The following PDXK variants were observed in gnomAD, a reference collection of about 807,000 sequenced individuals.
The protein encoded by PDXK is pyridoxal kinase.
Under a neutral mutation model 43.2 loss-of-function variants are expected in PDXK, and 15 were observed. That is an observed-to-expected ratio of 0.35 (90% CI 0.23 to 0.53). The LOEUF is 0.53. PDXK is among the 20% of genes least tolerant of loss of function. The pLI is 0.92. For missense variants in PDXK, 343 were observed against 417.0 expected (o/e 0.82, Z 1.54); for synonymous variants, 172 against 165.4 (o/e 1.04, Z -0.31).
In PDXK at chr21:43,732,593, G is replaced by T. The variant is rs1248876661; in HGVS notation, c.88-1476G>T. ...AGAAGCAGTGGAGCAGAATATTTTGGCAGGATTTTCAGGATTTGTGTCATC... is the reference window on the plus strand; with the variant it reads ...AGAAGCAGTGGAGCAGAATATTTTGTCAGGATTTTCAGGATTTGTGTCATC... On this transcript the variant is annotated intron_variant, in intron 1 of 10. Coordinates refer to ENST00000291565, the MANE Select transcript of PDXK (RefSeq NM_003681.5). This position sits in a 1 kb window ranked among gnomAD's most constrained non-coding sequence, Gnocchi z 4.1. 1.2e-6 allele frequency: 1 copy of T among 829,856 alleles called. No individual in the cohort carries two copies. Among genetic ancestry groups the T allele is most frequent in the East Asian group, 2.4e-5 (1 of 41,474 alleles). 51.4% of individuals were successfully genotyped at this position (829,856 alleles called of 1,614,324 possible). A position where few individuals can be genotyped will look rare whatever the true frequency, so the allele number is the denominator to read the frequency against.
chr21:43,726,270 CTTTTTTTT>C (rs1182376121), intron 1 of PDXK, among the ~76,000 whole-genome samples: 12 of 116,826 alleles, frequency 1.0e-4, no homozygotes, highest in Admixed American at 3.5e-4. Flanking sequence ...TTTTCTTTTT[CTTTTTTTT>C]TTTTTTTTTT....
Position 43,732,967 on chromosome 21 carries a change from T to C in PDXK, c.88-1102T>C, listed in dbSNP as rs557070639. ...TTTGCCATGTTGCCCAGGCTGGTCT[T>C]GAACTCCTGGCCTCAAACTGTACTC... On this transcript the variant is annotated intron_variant, in intron 1 of 10. Coordinates refer to ENST00000291565, the MANE Select transcript of PDXK (RefSeq NM_003681.5). This position sits in a 1 kb window ranked among gnomAD's most constrained non-coding sequence, Gnocchi z 4.1. Among the ~76,000 whole-genome samples, 1 of 152,238 alleles carries C rather than the reference T, an allele frequency of 6.6e-6. No homozygotes were observed. The highest frequency in any genetic ancestry group is 1.5e-5 in the Non-Finnish European group (1 of 68,004).
intron 2 of PDXK, chr21:43,738,127 G>T: frequency 1.2e-6 from 1 of 867,836 alleles, no homozygotes; most frequent in Non-Finnish European, 1.4e-6. Context: ...ACCTCAGTGT[G>T]GGACTGGGTT....
intron 1 of PDXK, among the ~76,000 whole-genome samples, chr21:43,722,578 T>G (rs1379557641): frequency 6.6e-6 from 1 of 152,048 alleles, no homozygotes; most frequent in East Asian, 1.9e-4. Context: ...CCTCTCATAG[T>G]CTGGGGGCCA....
intron 1 of PDXK, chr21:43,719,943 G>A (rs963217391): frequency 1.0e-6 from 1 of 984,882 alleles, no homozygotes; most frequent in African/African-American, 1.7e-5. Flanking sequence ...CACGCCAGGA[G>A]GTGGCCGAAG....
intron 7 of PDXK, among the ~76,000 whole-genome samples, chr21:43,750,929 C>T (rs918101213): frequency 1.2e-4 from 15 of 127,198 alleles, no homozygotes; most frequent in South Asian, 2.6e-4. Flanking sequence ...CATGTGTGTG[C>T]GTATGTGTGC....
intron 7 of PDXK, among the ~76,000 whole-genome samples, chr21:43,752,060 C>G (rs569814480): frequency 3.9e-5 from 6 of 152,192 alleles, no homozygotes; most frequent in Admixed American, 2.0e-4. Flanking sequence ...GAGCAGGGTC[C>G]AGATTCTGCT....
intron 2 of PDXK, among the ~76,000 whole-genome samples, chr21:43,736,127 T>G (rs1022143999): frequency 1.3e-5 from 2 of 152,114 alleles, no homozygotes; most frequent in Admixed American, 6.5e-5. Context: ...TTTGTTGTTG[T>G]TTTTCCTTTT....
rs1323776145 is a variant in PDXK, at chr21:43,732,231, C to T, written c.88-1838C>T. 5 of 1,458,498 alleles carry T rather than the reference C, an allele frequency of 3.4e-6. No individual in the cohort carries two copies. Among genetic ancestry groups the T allele is most frequent in the Non-Finnish European group, 4.5e-6 (5 of 1,110,590 alleles). 90.3% of individuals were successfully genotyped at this position (1,458,498 alleles called of 1,614,324 possible). A position where few individuals can be genotyped will look rare whatever the true frequency, so the allele number is the denominator to read the frequency against. ...CCAATTCCAGAGGCATGGTCCGGCACAGAGCGCTGGCTTCCAGCTGAAGGA... is the reference window on the plus strand; with the variant it reads ...CCAATTCCAGAGGCATGGTCCGGCATAGAGCGCTGGCTTCCAGCTGAAGGA... On this transcript the variant is annotated intron_variant, in intron 1 of 10. Coordinates refer to ENST00000291565, the MANE Select transcript of PDXK (RefSeq NM_003681.5). The surrounding 1 kb of genome is among the most constrained non-coding windows in gnomAD (Gnocchi z 4.1).
At chr21:43,741,590 G>T in intron 2 of PDXK, 77 bp from the exon 3 acceptor site, 1 of 1,580,088 alleles carries the variant, frequency 6.3e-7, no homozygotes, top group Non-Finnish European at 8.6e-7. Flanking sequence ...CAGGGAGAGT[G>T]GGCGGGTGTC....
At chr21:43,748,843 CA>C in intron 5 of PDXK, 151 bp from the exon 6 acceptor site, 1 of 613,628 alleles carries the variant, frequency 1.6e-6, no homozygotes, top group Middle Eastern at 4.4e-4. Context: ...GTGGTGGGAA[CA>C]ACTTATCGCT....
intron 2 of PDXK, among the ~76,000 whole-genome samples, chr21:43,739,373 G>A (rs755635139): frequency 1.3e-5 from 2 of 152,126 alleles, no homozygotes; most frequent in African/African-American, 2.4e-5. Context: ...TGTCACTACC[G>A]GACGTTGGAT....
chr21:43,749,221 C>T (rs2083692462), intron 6 of PDXK, 141 bp downstream of exon 6: 2 of 501,122 alleles, frequency 4.0e-6, no homozygotes, highest in African/African-American at 3.9e-5. Context: ...TCTCCTGCCT[C>T]AGCCTCCCGA....
intron 8 of PDXK, among the ~76,000 whole-genome samples, chr21:43,753,152 G>A (rs577275041): frequency 6.6e-6 from 1 of 151,518 alleles, no homozygotes; most frequent in South Asian, 2.1e-4. Flanking sequence ...GGGCACACAC[G>A]TGGACATGGG....
At chr21:43,724,446 G>A (rs926895294) in intron 1 of PDXK, among the ~76,000 whole-genome samples, 13 of 152,250 alleles carry the variant, frequency 8.5e-5, no homozygotes, top group African/African-American at 2.9e-4. Context: ...ATGTGGACGC[G>A]AGCAGCGAGT....
chr21:43,728,586 G>C (rs1047214332), intron 1 of PDXK: 2 of 372,210 alleles, frequency 5.4e-6, no homozygotes, highest in East Asian at 3.3e-4. Context: ...CCGCGCTCAC[G>C]TAGTGTCTGG....
At chr21:43,742,451 G>A (rs2083553211) in intron 3 of PDXK, among the ~76,000 whole-genome samples, 1 of 152,164 alleles carries the variant, frequency 6.6e-6, no homozygotes, top group African/African-American at 2.4e-5. Flanking sequence ...CAAAGTGCTG[G>A]GATTACAGGC....
chr21:43,727,955 C>T (rs185461839), intron 1 of PDXK, among the ~76,000 whole-genome samples: 6 of 152,372 alleles, frequency 3.9e-5, no homozygotes, highest in African/African-American at 1.2e-4. Flanking sequence ...CCAGCCATGA[C>T]CTCTGCCTTC....
At chr21:43,719,495 T>A in intron 1 of PDXK, 114 bp downstream of exon 1, 9 of 1,321,068 alleles carry the variant, frequency 6.8e-6, no homozygotes, top group Non-Finnish European at 9.0e-6. Flanking sequence ...GGGCAGAGCC[T>A]GGCGCGGGCG....
Sources: allele counts gnomAD v4.1 joint callset (sites outside exome capture counted in the v4.1 genomes callset), GRCh38; gene constraint gnomAD v4.1.1; non-coding constraint Gnocchi (gnomAD v3.1); transcripts MANE v1.5; gene names NCBI Gene and HGNC (gene_info 2026-07-23, HGNC 2026-07-21).